Variants in ITSN1 observed in about 807,000 individuals in gnomAD.
ITSN1 encodes intersectin 1.
Under a neutral mutation model 239.8 loss-of-function variants are expected in ITSN1, and 58 were observed. The ratio of observed to expected loss-of-function variants is 0.24; its 90% CI spans 0.20 to 0.30. ITSN1 has a LOEUF of 0.30. Ranked by LOEUF, ITSN1 falls within the 10% of genes least tolerant of loss-of-function variation. ITSN1 has a pLI of 1.00. For missense variants in ITSN1, 1,558 were observed against 2,103.3 expected, an observed-to-expected ratio of 0.74 and a Z score of 5.07; for synonymous variants, 780 against 770.8, an observed-to-expected ratio of 1.01 and a Z score of -0.20.
chr21:33,873,558 C>A (rs60787279), intron 33 of ITSN1, among the ~76,000 whole-genome samples: 98 of 152,288 alleles, frequency 6.4e-4, no homozygotes, highest in Middle Eastern at 3.4e-3. Context: ...ATTTCTCATG[C>A]GAGGAACCTG....
intron 20 of ITSN1, 101 bp from the exon 21 acceptor site, chr21:33,810,874 C>T: frequency 7.7e-7 from 1 of 1,307,102 alleles, no homozygotes; most frequent in Non-Finnish European, 1.1e-6. Context: ...TGCCATATGT[C>T]AATCTAAAGA....
At chr21:33,779,227 ATTTTC>A (rs983214783) in intron 14 of ITSN1, among the ~76,000 whole-genome samples, 1 of 147,394 alleles carries the variant, frequency 6.8e-6, no homozygotes, top group Admixed American at 6.7e-5. Context: ...TTGGGGTTTA[ATTTTC>A]TTTTCTCAAG....
Position 33,817,351 on chromosome 21 carries a change from C to T in ITSN1, c.2728-916C>T, listed in dbSNP as rs114515191. The T allele has an allele frequency of 1.4e-3, 1,849 of 1,304,448 alleles. 19 individuals carry two copies. In the African/African-American group the frequency reaches 0.025, roughly 18 times the overall value. 80.8% of individuals were successfully genotyped at this position (1,304,448 alleles called of 1,614,324 possible). ...GCTTTTGCCCATGCTGCGCCCTCGG[C>T]CTGGAGTGCCCTTCCTCCGAAGCCC... On this transcript the variant is annotated intron_variant, in intron 22 of 39. Coordinates refer to ENST00000381318, the MANE Select transcript of ITSN1 (RefSeq NM_003024.3).
intron 31 of ITSN1, 143 bp downstream of exon 31, chr21:33,858,935 A>C: frequency 1.9e-6 from 1 of 521,682 alleles, no homozygotes. Context: ...GCCACTCACA[A>C]ACACCATCAC....
At chr21:33,677,887 T>G (rs2090692804) in intron 1 of ITSN1, among the ~76,000 whole-genome samples, 1 of 152,226 alleles carries the variant, frequency 6.6e-6, no homozygotes, top group Admixed American at 6.5e-5. Context: ...CACCACTGTC[T>G]CTCATGTGGG....
chr21:33,892,830 G>A lies in ITSN1; in HGVS notation c.*4530G>A, dbSNP rs1986451494. The A allele has an allele frequency of 6.6e-6, 1 of 152,096 alleles. No homozygotes were observed. 9.4% of individuals were successfully genotyped at this position (152,096 alleles called of 1,614,324 possible). The stretch of plus-strand genomic sequence containing the variant: ...CCTGGGCCCCTTCTAGAGGAAGGTG[G>A]GCTTTCCTTGTCCGTCAGGCTGCAC... On this transcript the variant is annotated 3_prime_UTR_variant, in exon 40 of 40. Coordinates refer to ENST00000381318, the MANE Select transcript of ITSN1 (RefSeq NM_003024.3).
chr21:33,831,601 C>T (rs983953774), intron 27 of ITSN1, among the ~76,000 whole-genome samples: 4 of 152,082 alleles, frequency 2.6e-5, no homozygotes, highest in Admixed American at 6.5e-5. Flanking sequence ...GTTGGAACAG[C>T]AGGAGCAGGA....
chr21:33,853,912 G>T (rs941261492), intron 29 of ITSN1, among the ~76,000 whole-genome samples: 3 of 152,146 alleles, frequency 2.0e-5, no homozygotes, highest in Non-Finnish European at 4.4e-5. Flanking sequence ...CGGAGGGTGG[G>T]GCAGTAGCAC....
At chr21:33,738,562 C>T (rs538507188) in intron 5 of ITSN1, among the ~76,000 whole-genome samples, 14 of 151,834 alleles carry the variant, frequency 9.2e-5, no homozygotes, top group African/African-American at 1.5e-4. Context: ...CCACCACACC[C>T]GGCTAATTTT....
intron 35 of ITSN1, 59 bp from the exon 36 acceptor site, chr21:33,883,491 T>C: frequency 6.3e-7 from 1 of 1,599,228 alleles, no homozygotes; most frequent in Non-Finnish European, 8.5e-7. Context: ...ACACTCACGG[T>C]TTACCGGAGC....
Position 33,751,886 on chromosome 21 carries a change from A to G in ITSN1, c.603A>G (p.Ala201=). The stretch of plus-strand genomic sequence containing the variant: ...AACTAAACACTAAATTACAAAAGGC[A>G]CAGTCATTTGATGTGGCCAGGTAAG... The part of the protein sequence containing the change: ...GSQLNTKLQK[A]QSFDVASVPP... The change falls in exon 7 of 40, where the codon GCA becomes GCG. Residue 201 remains alanine, a synonymous_variant. Coordinates refer to ENST00000381318, the MANE Select transcript of ITSN1 (RefSeq NM_003024.3). The G allele has an allele frequency of 1.2e-6, 2 of 1,613,138 alleles. No homozygotes were observed. Among genetic ancestry groups the G allele is most frequent in the East Asian group, 2.2e-5 (1 of 44,860 alleles).
intron 5 of ITSN1, among the ~76,000 whole-genome samples, chr21:33,740,231 C>G (rs1273956240): frequency 6.6e-6 from 1 of 152,074 alleles, no homozygotes; most frequent in Non-Finnish European, 1.5e-5. Context: ...ACAGGGATGA[C>G]TACGTTTGAC....
chr21:33,775,147 T>G, intron 14 of ITSN1, 39 bp downstream of exon 14: 1 of 1,581,694 alleles, frequency 6.3e-7, no homozygotes, highest in African/African-American at 1.4e-5. Context: ...TATATTAAAC[T>G]GGCATCCTTT....
chr21:33,742,432 G>GT (rs1179486365), intron 5 of ITSN1, among the ~76,000 whole-genome samples: 1 of 152,190 alleles, frequency 6.6e-6, no homozygotes, highest in African/African-American at 2.4e-5. Flanking sequence ...GTGTACATTT[G>GT]TAACAGTGCA....
intron 1 of ITSN1, among the ~76,000 whole-genome samples, chr21:33,644,853 T>C (rs1337670931): frequency 6.6e-6 from 1 of 151,542 alleles, no homozygotes; most frequent in East Asian, 1.9e-4. Context: ...AGGCAGGGTC[T>C]GGCTATGTCA....
At chr21:33,781,895 C>A in intron 15 of ITSN1, 99 bp from the exon 16 acceptor site, 1 of 1,204,762 alleles carries the variant, frequency 8.3e-7, no homozygotes, top group Non-Finnish European at 1.2e-6. Context: ...TATTTTTTAA[C>A]CAGCAAGAAT....
intron 29 of ITSN1, among the ~76,000 whole-genome samples, chr21:33,846,020 C>A (rs868511608): frequency 6.6e-6 from 1 of 152,216 alleles, no homozygotes; most frequent in Admixed American, 6.5e-5. Flanking sequence ...AATGACTCAA[C>A]CCCCCTTGTC....
chr21:33,721,948 C>T (rs2147100168), intron 3 of ITSN1: 1 of 150,020 alleles, frequency 6.7e-6, no homozygotes, highest in South Asian at 2.1e-4. Context: ...GCTCTTGTTA[C>T]CCAGGCTGGA....
At chr21:33,736,059 A>G (rs1411386111) in intron 5 of ITSN1, among the ~76,000 whole-genome samples, 1 of 152,074 alleles carries the variant, frequency 6.6e-6, no homozygotes, top group Non-Finnish European at 1.5e-5. Flanking sequence ...AAGCTAATTG[A>G]TTAATTAGTT....
Sources: allele counts gnomAD v4.1 joint callset (sites outside exome capture counted in the v4.1 genomes callset), GRCh38; gene constraint gnomAD v4.1.1; transcripts MANE v1.5; gene names NCBI Gene and HGNC (gene_info 2026-07-23, HGNC 2026-07-21).